Variants in CREBBP observed in about 807,000 individuals in gnomAD.
The protein encoded by CREBBP is CREB binding lysine acetyltransferase, also known as CREB-binding protein.
CREBBP carries 19 observed loss-of-function variants against 265.0 expected under a neutral mutation model. That is an observed-to-expected ratio of 0.07 (90% CI 0.05 to 0.11). CREBBP has a LOEUF of 0.11. CREBBP is among the 10% of genes least tolerant of loss of function. The pLI is 1.00. For missense variants in CREBBP, 2,525 were observed against 3,219.0 expected, an observed-to-expected ratio of 0.78 and a Z score of 5.22; for synonymous variants, 1,457 against 1,223.7, an observed-to-expected ratio of 1.19 and a Z score of -3.98.
At chr16:3,857,592 T>C (rs909757868) in intron 1 of CREBBP, among the ~76,000 whole-genome samples, 12 of 152,166 alleles carry the variant, frequency 7.9e-5, no homozygotes, top group African/African-American at 2.9e-4. Context: ...TCATCGGAAG[T>C]TCCTAAGGTT....
At chr16:3,846,528 A>C (rs2054671088) in intron 2 of CREBBP, among the ~76,000 whole-genome samples, 1 of 152,260 alleles carries the variant, frequency 6.6e-6, no homozygotes, top group Non-Finnish European at 1.5e-5. Context: ...AAAACTGTGA[A>C]AACAGCAAAA....
At chr16:3,752,085 A>G (rs2052486968) in intron 19 of CREBBP, among the ~76,000 whole-genome samples, 2 of 152,190 alleles carry the variant, frequency 1.3e-5, no homozygotes, top group African/African-American at 4.8e-5. Context: ...ATTGATTAGC[A>G]TTCGGTCTCA....
intron 5 of CREBBP, among the ~76,000 whole-genome samples, chr16:3,788,632 G>C (rs908704991): frequency 2.0e-5 from 3 of 152,174 alleles, no homozygotes; most frequent in Middle Eastern, 6.3e-3. Context: ...AGTGATTACA[G>C]AATCTTTAAA....
chr16:3,748,088 C>T (rs1456349827), intron 21 of CREBBP, among the ~76,000 whole-genome samples: 1 of 148,392 alleles, frequency 6.7e-6, no homozygotes, highest in Non-Finnish European at 1.5e-5. Context: ...GAAACTCCAT[C>T]TCAAAAATAA....
intron 30 of CREBBP, among the ~76,000 whole-genome samples, chr16:3,730,285 C>G (rs568503134): frequency 6.6e-6 from 1 of 152,312 alleles, no homozygotes; most frequent in South Asian, 2.1e-4. Context: ...TCACATCAGC[C>G]CTTGCCACAG....
chr16:3,880,403 CCCGCCG>C lies in CREBBP; in HGVS notation c.-493_-488del, dbSNP rs1380789686. 6.4e-5 allele frequency: 9 copies of C among 141,664 alleles called. No individual in the cohort carries two copies. Among genetic ancestry groups the C allele is most frequent in the African/African-American group, 1.3e-4 (5 of 39,028 alleles). The allele number at this position is 141,664 out of a possible 1,614,324, so 8.8% of individuals were successfully genotyped here. A position where few individuals can be genotyped will look rare whatever the true frequency, so the allele number is the denominator to read the frequency against. On this transcript the variant is annotated 5_prime_UTR_variant, in exon 1 of 31. Coordinates refer to ENST00000262367, the MANE Select transcript of CREBBP (RefSeq NM_004380.3). ...TCCGGGCTCCGCTCCCGGCCCGCGG[CCCGCCG>C]CCGCCGCCGCCGTGAGGAAAAACAA...
intron 1 of CREBBP, among the ~76,000 whole-genome samples, chr16:3,872,327 C>G (rs931974459): frequency 6.6e-6 from 1 of 152,194 alleles, no homozygotes; most frequent in African/African-American, 2.4e-5. Flanking sequence ...TTGCTCAAAT[C>G]TCTTCAAGTC....
Position 3,725,332 on chromosome 16 carries a change from G to C in CREBBP, c.*2386C>G, listed in dbSNP as rs538684283. On this transcript the variant is annotated 3_prime_UTR_variant, in exon 31 of 31. Coordinates refer to ENST00000262367, the MANE Select transcript of CREBBP (RefSeq NM_004380.3). The stretch of plus-strand genomic sequence containing the variant: ...AAAGAGGATGAGGTTGGTACATAAC[G>C]TTTTGAATTCCAGGATAACCTGAAA... The C allele has an allele frequency of 4.3e-6, 1 of 233,118 alleles. No individual in the cohort carries two copies. The highest frequency in any genetic ancestry group is 8.5e-6 in the Non-Finnish European group (1 of 118,020). The allele number at this position is 233,118 out of a possible 1,614,324, so 14.4% of individuals were successfully genotyped here. A position where few individuals can be genotyped will look rare whatever the true frequency, so the allele number is the denominator to read the frequency against.
intron 1 of CREBBP, among the ~76,000 whole-genome samples, chr16:3,864,865 G>A (rs536879868): frequency 8.5e-5 from 13 of 152,202 alleles, no homozygotes; most frequent in Admixed American, 2.0e-4. Context: ...TCAGGCGTTC[G>A]AGGCCAGCCT....
intron 2 of CREBBP, among the ~76,000 whole-genome samples, chr16:3,819,727 G>A (rs1451653158): frequency 6.6e-6 from 1 of 152,026 alleles, no homozygotes; most frequent in Non-Finnish European, 1.5e-5. Flanking sequence ...TTAGCTTTAA[G>A]AACAATAAAC....
rs1181060550 is a variant in CREBBP, at chr16:3,726,325, C to A, written c.*1393G>T. On this transcript the variant is annotated 3_prime_UTR_variant, in exon 31 of 31. Coordinates refer to ENST00000262367, the MANE Select transcript of CREBBP (RefSeq NM_004380.3). ...CGGACAGGGAGGATGGAGGAGTGGG[C>A]CAAATGCAGTTTCAGACCAACTGAC... 2 of 233,050 alleles carry A rather than the reference C, an allele frequency of 8.6e-6. No individual in the cohort carries two copies. The highest frequency in any genetic ancestry group is 8.5e-6 in the Non-Finnish European group (1 of 118,050). The allele number at this position is 233,050 out of a possible 1,614,324, so 14.4% of individuals were successfully genotyped here. A position where few individuals can be genotyped will look rare whatever the true frequency, so the allele number is the denominator to read the frequency against.
intron 14 of CREBBP, 128 bp from the exon 15 acceptor site, chr16:3,769,481 G>T: frequency 8.5e-7 from 1 of 1,176,752 alleles, no homozygotes; most frequent in Non-Finnish European, 1.2e-6. Flanking sequence ...GTGCCCTTCT[G>T]TGAAACCGAA....
intron 1 of CREBBP, among the ~76,000 whole-genome samples, chr16:3,874,821 T>C (rs1329088542): frequency 6.6e-6 from 1 of 152,180 alleles, no homozygotes; most frequent in Non-Finnish European, 1.5e-5. Context: ...TCTAGTTTCT[T>C]GGAATACATG....
At position 3,780,837 on chromosome 16, in the gene CREBBP, G is replaced by C. The variant is rs759627093; in HGVS notation, c.1718C>G (p.Thr573Ser). The change falls in exon 8 of 31, where the codon ACC (threonine) becomes AGC (serine). Residue 573 changes from threonine to serine, a missense_variant. This residue lies in a region of CREBBP where 144 missense variants were observed against 134.0 expected (regional missense o/e 1.07). Transcript: ENST00000262367. ...NDGSNSGNIG[T>S]LSTIPTAAPP... ...AGCTGCTGTTGGTATAGTGCTGAGG[G>C]TTCCAATGTTACCAGAGTTGGAGCC... 2.5e-6 allele frequency: 4 copies of C among 1,613,802 alleles called. No homozygotes were observed. The highest frequency in any genetic ancestry group is 2.5e-6 in the Non-Finnish European group (3 of 1,180,020).
chr16:3,864,861 G>A (rs567873573), intron 1 of CREBBP, among the ~76,000 whole-genome samples: 25 of 152,338 alleles, frequency 1.6e-4, no homozygotes, highest in Admixed American at 1.0e-3. Context: ...GAGGTCAGGC[G>A]TTCGAGGCCA....
intron 13 of CREBBP, among the ~76,000 whole-genome samples, chr16:3,773,168 T>C (rs1300779930): frequency 6.6e-6 from 1 of 152,116 alleles, no homozygotes; most frequent in African/African-American, 2.4e-5. Context: ...AATACATGTA[T>C]ATTTTGTATA....
rs150670218 is a variant in CREBBP, at chr16:3,804,075, C to A, written c.975+6528G>T. On this transcript the variant is annotated intron_variant, in intron 3 of 30. Coordinates refer to ENST00000262367, the MANE Select transcript of CREBBP (RefSeq NM_004380.3). ...CTCCAAATGGGGTGACAGTGAGACC[C>A]CAGCTTAAAAAAAAAAAATCACCCG... Among the ~76,000 whole-genome samples, 32 of 151,122 alleles carry A rather than the reference C, an allele frequency of 2.1e-4. No homozygotes were observed. In the East Asian group the frequency reaches 2.5e-3, roughly 12 times the overall value.
intron 3 of CREBBP, among the ~76,000 whole-genome samples, chr16:3,798,843 A>G (rs75370008): frequency 2.0e-5 from 3 of 152,252 alleles, no homozygotes; most frequent in South Asian, 4.1e-4. Context: ...TATACAACCA[A>G]AAGAACTGAA....
Position 3,727,584 on chromosome 16 carries a change from C to T in CREBBP, c.*134G>A. On this transcript the variant is annotated 3_prime_UTR_variant, in exon 31 of 31. Transcript: ENST00000262367. ...AAAAAATATATTCTTTGTATTGTTT[C>T]TTTAAACATCAATCCACCCTTCCAT... The T allele has an allele frequency of 7.3e-7, 1 of 1,369,858 alleles. No individual in the cohort carries two copies. Among genetic ancestry groups the T allele is most frequent in the Non-Finnish European group, 9.8e-7 (1 of 1,016,640 alleles). 84.9% of individuals were successfully genotyped at this position (1,369,858 alleles called of 1,614,324 possible).
Sources: allele counts gnomAD v4.1 joint callset (sites outside exome capture counted in the v4.1 genomes callset), GRCh38; gene constraint gnomAD v4.1.1; regional missense constraint gnomAD v4.1.1; transcripts MANE v1.5; gene names NCBI Gene and HGNC (gene_info 2026-07-23, HGNC 2026-07-21).